CNTNAP2: variants seen among roughly 807,000 people sequenced by gnomAD.
CNTNAP2 encodes the protein contactin-associated protein-like 2.
A neutral mutation model predicts 155.2 loss-of-function variants in CNTNAP2; 98 were observed. That is an observed-to-expected ratio of 0.63 (90% CI 0.54 to 0.75). The LOEUF (loss-of-function observed/expected upper bound fraction) is 0.75, where lower values mean the gene tolerates loss of function less well. Among genes scored for constraint, CNTNAP2 ranks in the 30% least tolerant of loss-of-function variants. The pLI, the probability that CNTNAP2 is intolerant of heterozygous loss-of-function variation, is 0.00. For missense variants in CNTNAP2, 1,727 were observed against 1,688.1 expected, an observed-to-expected ratio of 1.02 and a Z score of -0.40; for synonymous variants, 651 against 631.2, an observed-to-expected ratio of 1.03 and a Z score of -0.47.
At chr7:147,243,221 C>A (rs931255298) in intron 8 of CNTNAP2, among the ~76,000 whole-genome samples, 1 of 151,934 alleles carries the variant, frequency 6.6e-6, no homozygotes, top group Non-Finnish European at 1.5e-5. Flanking sequence ...TGGTCTCGAT[C>A]TCCTGACCTC....
chr7:146,751,547 T>G (rs1292090448), intron 1 of CNTNAP2, among the ~76,000 whole-genome samples: 1 of 152,172 alleles, frequency 6.6e-6, no homozygotes, highest in Non-Finnish European at 1.5e-5. Context: ...TATACATTTA[T>G]GTTTCTAATT....
chr7:147,976,317 T>A (rs1015040402), intron 14 of CNTNAP2, among the ~76,000 whole-genome samples: 2 of 152,230 alleles, frequency 1.3e-5, no homozygotes, highest in African/African-American at 2.4e-5. Context: ...AGTGCTTTTA[T>A]TTATTGTTCC....
chr7:148,157,009 C>A (rs150861141), intron 17 of CNTNAP2, among the ~76,000 whole-genome samples: 2 of 152,166 alleles, frequency 1.3e-5, no homozygotes, highest in Non-Finnish European at 2.9e-5. Flanking sequence ...CAAATGGGAA[C>A]GCTTCAGCAA....
chr7:146,312,642 A>C (rs1161407510), intron 1 of CNTNAP2, among the ~76,000 whole-genome samples: 1 of 152,190 alleles, frequency 6.6e-6, no homozygotes, highest in Non-Finnish European at 1.5e-5. Flanking sequence ...TGGTCAACAT[A>C]CAATGCATTA....
At chr7:148,154,203 A>G (rs1364875985) in intron 17 of CNTNAP2, among the ~76,000 whole-genome samples, 1 of 152,246 alleles carries the variant, frequency 6.6e-6, no homozygotes, top group African/African-American at 2.4e-5. Flanking sequence ...ACTGAGACTC[A>G]GTGGAAGGCA....
At chr7:148,152,457 GA>G (rs201198690) in intron 17 of CNTNAP2, among the ~76,000 whole-genome samples, 3 of 150,502 alleles carry the variant, frequency 2.0e-5, no homozygotes, top group African/African-American at 7.3e-5. Context: ...GCAAAAATCT[GA>G]AAAAAAAATC....
rs113392313 is a variant in CNTNAP2 at position 147,010,326 on chromosome 7, A to C, written c.403-33581A>C. Among the ~76,000 whole-genome samples the C allele has an allele frequency of 3.5e-3, 537 of 152,070 alleles. 9 individuals carry two copies. The highest frequency in any genetic ancestry group is 0.012 in the African/African-American group (503 of 41,464). On this transcript the variant is annotated intron_variant, in intron 3 of 23. Coordinates refer to ENST00000361727, the MANE Select transcript of CNTNAP2 (RefSeq NM_014141.6). ...TTCCTGGCCTAGATCTTGGTTCTTT[A>C]GTATCATTTTTGATTAATGGATTAT...
intron 1 of CNTNAP2, among the ~76,000 whole-genome samples, chr7:146,558,765 CT>C (rs1265514065): frequency 1.3e-5 from 2 of 152,198 alleles, no homozygotes; most frequent in Admixed American, 1.3e-4. Context: ...TCCCATATCT[CT>C]CCTGATCCCA....
chr7:146,626,299 G>A (rs539552759), intron 1 of CNTNAP2, among the ~76,000 whole-genome samples: 1 of 152,036 alleles, frequency 6.6e-6, no homozygotes, highest in Non-Finnish European at 1.5e-5. Context: ...TTAATTAATG[G>A]TATTGAATTT....
intron 9 of CNTNAP2, among the ~76,000 whole-genome samples, chr7:147,325,088 AG>A (rs1487568318): frequency 6.6e-6 from 1 of 152,100 alleles, no homozygotes; most frequent in East Asian, 1.9e-4. Context: ...GAATCACTTG[AG>A]GTCAGGAGTT....
At chr7:146,448,492 T>G (rs555174497) in intron 1 of CNTNAP2, among the ~76,000 whole-genome samples, 17 of 152,110 alleles carry the variant, frequency 1.1e-4, no homozygotes, top group African/African-American at 4.1e-4. Context: ...TTCTCATATT[T>G]TATAAGCACT....
intron 2 of CNTNAP2, among the ~76,000 whole-genome samples, chr7:146,838,748 C>T (rs560258627): frequency 2.0e-5 from 3 of 152,182 alleles, no homozygotes; most frequent in Non-Finnish European, 2.9e-5. Context: ...TTATTATGAA[C>T]GTCCTCATAG....
rs745847004 is a variant in CNTNAP2, at chr7:147,125,699, C to A, written c.940-2994C>A. Among the ~76,000 whole-genome samples the A allele has an allele frequency of 4.9e-4, 75 of 152,178 alleles. 3 individuals carry two copies. Among genetic ancestry groups the A allele is most frequent in the Admixed American group, 4.9e-3 (75 of 15,280 alleles). On this transcript the variant is annotated intron_variant, in intron 6 of 23. Transcript: ENST00000361727. ...ACAGGAGGAGAAGCCCGAGTTTGAACCTGTTTCTGCCCTTTAATGGTTGTG... is the reference window on the plus strand; with the variant it reads ...ACAGGAGGAGAAGCCCGAGTTTGAAACTGTTTCTGCCCTTTAATGGTTGTG...
intron 14 of CNTNAP2, among the ~76,000 whole-genome samples, chr7:147,953,026 G>A (rs529859432): frequency 2.3e-4 from 35 of 152,286 alleles, no homozygotes; most frequent in African/African-American, 6.5e-4. Flanking sequence ...AAGTTCTGGC[G>A]TAATGAGTTT....
intron 13 of CNTNAP2, among the ~76,000 whole-genome samples, chr7:147,760,018 C>A (rs10259091): frequency 0.062 from 9,411 of 152,140 alleles, 943 homozygotes; most frequent in African/African-American, 0.21. Context: ...CTCTCTTCCT[C>A]TCCCTTCTCT....
intron 1 of CNTNAP2, among the ~76,000 whole-genome samples, chr7:146,483,127 T>C (rs1284040416): frequency 2.0e-5 from 3 of 149,884 alleles, no homozygotes; most frequent in Non-Finnish European, 3.0e-5. Flanking sequence ...ATACAAAAAA[T>C]TAGCCGGGCA....
chr7:146,428,130 T>C (rs1796119708), intron 1 of CNTNAP2, among the ~76,000 whole-genome samples: 3 of 152,242 alleles, frequency 2.0e-5, no homozygotes, highest in Admixed American at 2.0e-4. Context: ...ATTTTCTTTA[T>C]CTATTCTATC....
intron 21 of CNTNAP2, among the ~76,000 whole-genome samples, chr7:148,288,114 T>C (rs1797120293): frequency 6.9e-6 from 1 of 145,182 alleles, no homozygotes; most frequent in South Asian, 2.2e-4. Flanking sequence ...TTCTTTTTTT[T>C]TTTTAAAGAC....
At chr7:147,062,516 C>T (rs184663441) in intron 4 of CNTNAP2, among the ~76,000 whole-genome samples, 4 of 152,070 alleles carry the variant, frequency 2.6e-5, no homozygotes, top group Admixed American at 2.0e-4. Flanking sequence ...ATAAATGCCA[C>T]GTTTACTAAA....
Sources: allele counts gnomAD v4.1 joint callset (sites outside exome capture counted in the v4.1 genomes callset), GRCh38; gene constraint gnomAD v4.1.1; transcripts MANE v1.5; gene names NCBI Gene and HGNC (gene_info 2026-07-23, HGNC 2026-07-21).